Variants in ACAA2 observed in about 807,000 individuals in gnomAD.
The protein encoded by ACAA2 is 3-ketoacyl-CoA thiolase, mitochondrial.
A neutral mutation model predicts 44.8 loss-of-function variants in ACAA2; 35 were observed. The ratio of observed to expected loss-of-function variants is 0.78; its 90% CI spans 0.60 to 1.04. The LOEUF (loss-of-function observed/expected upper bound fraction) is 1.04, where lower values mean the gene tolerates loss of function less well. Among genes scored for constraint, ACAA2 ranks in the 50% least tolerant of loss-of-function variants. ACAA2 has a pLI of 0.00. For synonymous variants in ACAA2, 142 were observed against 166.5 expected (o/e 0.85, Z 1.13); for missense variants, 468 against 482.6 (o/e 0.97, Z 0.28).
In ACAA2 at chr18:49,782,172, A is replaced by AAAAC. The variant is rs1221134813; in HGVS notation, c.*1671_*1674dup. 6.6e-6 allele frequency: 1 copy of AAAAC among 152,132 alleles called. No individual in the cohort carries two copies. The highest frequency in any genetic ancestry group is 1.5e-5 in the Non-Finnish European group (1 of 68,040). The allele number at this position is 152,132 out of a possible 1,614,324, so 9.4% of individuals were successfully genotyped here. On this transcript the variant is annotated 3_prime_UTR_variant, in exon 10 of 10. Transcript: ENST00000285093. ...ATATGTAAAAAACAAAATGTTCTGC[A>AAAAC]AAACATTGTTTTATTATGAGAAATT...
intron 7 of ACAA2, among the ~76,000 whole-genome samples, chr18:49,790,963 C>A (rs1403000788): frequency 1.3e-5 from 2 of 152,182 alleles, no homozygotes; most frequent in Non-Finnish European, 2.9e-5. Context: ...TGATTTGGAA[C>A]CTTGTAAGAC....
At position 49,787,370 on chromosome 18, in the gene ACAA2, TAATAAA is replaced by T. The variant is rs767750275; in HGVS notation, c.884-15_884-10del. On this transcript the variant is annotated splice_polypyrimidine_tract_variant and intron_variant, in intron 7 of 9. Coordinates refer to ENST00000285093, the MANE Select transcript of ACAA2 (RefSeq NM_006111.3). ...GATAGCAGGGACAGGACCTATATAA[TAATAAA>T]AATCTTCTATAAAAATATAGAAATA... 5 of 1,392,656 alleles carry T rather than the reference TAATAAA, an allele frequency of 3.6e-6. No homozygotes were observed. The highest frequency in any genetic ancestry group is 1.5e-5 in the African/African-American group (1 of 66,278). 86.3% of individuals were successfully genotyped at this position (1,392,656 alleles called of 1,614,324 possible).
chr18:49,793,808 G>A (rs762015274), intron 5 of ACAA2, among the ~76,000 whole-genome samples: 1 of 152,198 alleles, frequency 6.6e-6, no homozygotes, highest in African/African-American at 2.4e-5. Context: ...AAGTCTCTGA[G>A]TTAGGTACAA....
Position 49,783,177 on chromosome 18 carries a change from A to T in ACAA2, c.*670T>A, listed in dbSNP as rs1056212720. The stretch of plus-strand genomic sequence containing the variant: ...TGGATGAATCTTGAGAACATTATAT[A>T]AAGTAAAGTAAAATAAGCCAGTCAC... On this transcript the variant is annotated 3_prime_UTR_variant, in exon 10 of 10. Coordinates refer to ENST00000285093, the MANE Select transcript of ACAA2 (RefSeq NM_006111.3). 5 of 152,274 alleles carry T rather than the reference A, an allele frequency of 3.3e-5. No individual in the cohort carries two copies. Among genetic ancestry groups the T allele is most frequent in the African/African-American group, 1.2e-4 (5 of 41,468 alleles). The allele number at this position is 152,274 out of a possible 1,614,324, so 9.4% of individuals were successfully genotyped here.
chr18:49,792,192 AC>A lies in ACAA2; in HGVS notation c.712del (p.Val238TyrfsTer16), dbSNP rs1467771417. The A allele has an allele frequency of 1.2e-6, 2 of 1,614,014 alleles. No individual in the cohort carries two copies. The highest frequency in any genetic ancestry group is 1.7e-6 in the Non-Finnish European group (2 of 1,179,916). On this transcript the variant is annotated frameshift_variant, in exon 6 of 10. Transcript: ENST00000285093. LOFTEE classifies it high-confidence loss of function. ...AGTAACAGTTCCATCTTTCTTGAAT[AC>A]TGGAGGAAGTTTCTGTAACTGTTCC... ...TLEQLQKLPP[V>X]FKKDGTVTAG... is the part of the protein sequence containing the mutation.
At chr18:49,789,852 C>T (rs150026199) in intron 7 of ACAA2, among the ~76,000 whole-genome samples, 377 of 152,078 alleles carry the variant, frequency 2.5e-3, no homozygotes, top group African/African-American at 8.9e-3. Flanking sequence ...GGCGTGGGGG[C>T]GGGCACCTGT....
chr18:49,788,815 C>T (rs2023364191), intron 7 of ACAA2, among the ~76,000 whole-genome samples: 1 of 152,170 alleles, frequency 6.6e-6, no homozygotes, highest in African/African-American at 2.4e-5. Flanking sequence ...AGGACTCTTC[C>T]CAGACCACTG....
In ACAA2 at chr18:49,802,797, T is replaced by G. The variant is rs1463722806; in HGVS notation, c.73A>C (p.Lys25Gln). ...TPFGAYGGLLKDFTATDLSEF... is the reference protein window; with the variant it reads ...TPFGAYGGLLQDFTATDLSEF... The stretch of plus-strand genomic sequence containing the variant: ...GACAAGTCAGTAGCAGTGAAGTCTT[T>G]CAGAAGGCCTCCGTAAGCTCCAAAG... The change falls in exon 2 of 10, where the codon AAA becomes CAA. Residue 25 changes from lysine (K) to glutamine (Q), a missense_variant. By Grantham distance (53) the Lys-to-Gln change is moderately conservative. Coordinates refer to ENST00000285093, the MANE Select transcript of ACAA2 (RefSeq NM_006111.3). 1 of 1,614,104 alleles carries G rather than the reference T, an allele frequency of 6.2e-7. No homozygotes were observed.
intron 7 of ACAA2, among the ~76,000 whole-genome samples, chr18:49,788,228 G>GACTTGTTCTTAAAGAATGAAACTGCCAA (rs2143948965): frequency 6.6e-6 from 1 of 152,152 alleles, no homozygotes; most frequent in African/African-American, 2.4e-5. Context: ...TCTACTTCTC[G>GACTTGTTCTTAAAGAATGAAACTGCCAA]ACTTGTTCTT....
intron 7 of ACAA2, among the ~76,000 whole-genome samples, chr18:49,789,758 C>T (rs1008396523): frequency 3.3e-5 from 5 of 151,420 alleles, no homozygotes; most frequent in South Asian, 2.1e-4. Context: ...CTGAGGTGGG[C>T]GGATCACCTG....
chr18:49,792,514 G>A lies in ACAA2; in HGVS notation c.578-187C>T, dbSNP rs112015828. On this transcript the variant is annotated intron_variant, in intron 5 of 9. Transcript: ENST00000285093. ...GGCTGGAGTGCAACGGCACAGTCTC[G>A]GCTCACTGCAACCTCTGCCTCCCGG... Among the ~76,000 whole-genome samples the A allele has an allele frequency of 4.6e-3, 701 of 152,112 alleles. 5 individuals carry two copies. The highest frequency in any genetic ancestry group is 0.015 in the African/African-American group (616 of 41,528).
Position 49,805,301 on chromosome 18 carries a change from CCT to C in ACAA2, c.17-2450_17-2449del, listed in dbSNP as rs143036427. Among the ~76,000 whole-genome samples, 581 of 152,272 alleles carry C rather than the reference CCT, an allele frequency of 3.8e-3. 5 individuals carry two copies. Among genetic ancestry groups the C allele is most frequent in the African/African-American group, 0.013 (542 of 41,526 alleles). ...CTAGCCTAAAATATTTCTATTTCAACCTCTCTTTTCATTCCTATTTTGAGAAA... is the reference window on the plus strand; with the variant it reads ...CTAGCCTAAAATATTTCTATTTCAACCTCTTTTCATTCCTATTTTGAGAAA... On this transcript the variant is annotated intron_variant, in intron 1 of 9. Transcript: ENST00000285093.
intron 7 of ACAA2, 72 bp from the exon 8 acceptor site, chr18:49,787,433 T>A: frequency 9.0e-7 from 1 of 1,106,330 alleles, no homozygotes; most frequent in Middle Eastern, 3.2e-4. Flanking sequence ...ATCAAGCTTC[T>A]CCTTCTTTCC....
intron 8 of ACAA2, among the ~76,000 whole-genome samples, chr18:49,786,844 G>A (rs1490007216): frequency 2.0e-5 from 3 of 152,186 alleles, no homozygotes; most frequent in South Asian, 2.1e-4. Flanking sequence ...TACAACTATC[G>A]TATAAAAGCC....
intron 2 of ACAA2, among the ~76,000 whole-genome samples, chr18:49,798,672 A>G (rs1204275615): frequency 2.6e-5 from 4 of 152,170 alleles, no homozygotes; most frequent in East Asian, 1.9e-4. Context: ...CGGCACATTT[A>G]TAAGTTAAGG....
chr18:49,792,469 G>C, intron 5 of ACAA2, 142 bp from the exon 6 acceptor site: 1 of 800,218 alleles, frequency 1.2e-6, no homozygotes, highest in Non-Finnish European at 1.9e-6. Context: ...TTTTGAGATG[G>C]AGTCTCACAT....
At chr18:49,792,039 G>T in intron 6 of ACAA2, 113 bp downstream of exon 6, 3 of 803,936 alleles carry the variant, frequency 3.7e-6, no homozygotes, top group Non-Finnish European at 5.7e-6. Flanking sequence ...AACACTATTA[G>T]TTTAAGCTAA....
chr18:49,813,268 A>T (rs1392726815), intron 1 of ACAA2, among the ~76,000 whole-genome samples: 1 of 152,262 alleles, frequency 6.6e-6, no homozygotes, highest in Non-Finnish European at 1.5e-5. Context: ...CGCTGTCGCT[A>T]GCGCCTTACA....
chr18:49,802,718 A>C lies in ACAA2; in HGVS notation c.152T>G (p.Val51Gly). 1.2e-6 allele frequency: 2 copies of C among 1,614,144 alleles called. No individual in the cohort carries two copies. Among genetic ancestry groups the C allele is most frequent in the Non-Finnish European group, 1.7e-6 (2 of 1,180,012 alleles). ...LSAGKVSPETVDSVIMGNVLQ... is the reference protein window; with the variant it reads ...LSAGKVSPETGDSVIMGNVLQ... Reference sequence around the variant, plus strand: ...GACATTGCCCATAATCACACTGTCAACTGTTTCAGGTGAGACTTTGCCAGC... The same window carrying C: ...GACATTGCCCATAATCACACTGTCACCTGTTTCAGGTGAGACTTTGCCAGC... Residue 51 changes from valine (V) to glycine (G), a missense_variant, in exon 2 of 10, where the codon GTT (valine) becomes GGT (glycine). Val to Gly is a moderately radical substitution (Grantham distance 109). Transcript: ENST00000285093.
Sources: allele counts gnomAD v4.1 joint callset (sites outside exome capture counted in the v4.1 genomes callset), GRCh38; gene constraint gnomAD v4.1.1; transcripts MANE v1.5; gene names NCBI Gene and HGNC (gene_info 2026-07-23, HGNC 2026-07-21).